Variants in THSD4 observed in about 807,000 individuals in gnomAD.
The protein encoded by THSD4 is thrombospondin type-1 domain-containing protein 4.
THSD4 carries 69 observed loss-of-function variants against 119.0 expected under a neutral mutation model. That is an observed-to-expected ratio of 0.58 (90% CI 0.48 to 0.71). The LOEUF (loss-of-function observed/expected upper bound fraction) is 0.71. Among genes scored for constraint, THSD4 ranks in the 30% least tolerant of loss-of-function variants. THSD4 has a pLI of 0.00. For missense variants in THSD4, 1,393 were observed against 1,391.1 expected, an observed-to-expected ratio of 1.00 and a Z score of -0.02; for synonymous variants, 524 against 540.4, an observed-to-expected ratio of 0.97 and a Z score of 0.42.
At chr15:71,109,289 T>C (rs1206442039) in intron 1 of THSD4, among the ~76,000 whole-genome samples, 2 of 152,222 alleles carry the variant, frequency 1.3e-5, no homozygotes, top group African/African-American at 4.8e-5. Context: ...TAAGCCATGA[T>C]GTGGCACTAG....
intron 4 of THSD4, among the ~76,000 whole-genome samples, chr15:71,216,469 A>ACATCCAGCCTCCC (rs1380033109): frequency 6.6e-6 from 1 of 152,236 alleles, no homozygotes; most frequent in Non-Finnish European, 1.5e-5. Flanking sequence ...GAGATGCGAC[A>ACATCCAGCCTCCC]CATCCAGCCT....
intron 7 of THSD4, among the ~76,000 whole-genome samples, chr15:71,483,101 A>C (rs2140672234): frequency 6.6e-6 from 1 of 152,308 alleles, no homozygotes; most frequent in South Asian, 2.1e-4. Flanking sequence ...CTTTTACAGT[A>C]AGGAATACAA....
intron 3 of THSD4, among the ~76,000 whole-genome samples, chr15:71,173,983 T>A (rs1432148833): frequency 1.3e-5 from 2 of 152,146 alleles, no homozygotes; most frequent in Non-Finnish European, 2.9e-5. Flanking sequence ...TATAAAACTC[T>A]TAGAAGAAAA....
At chr15:71,587,787 TAAAAAAAAAAAAGAA>T (rs201370947) in intron 7 of THSD4, among the ~76,000 whole-genome samples, 1 of 105,554 alleles carries the variant, frequency 9.5e-6, no homozygotes, top group African/African-American at 3.6e-5. Context: ...AAAAAAAAAT[TAAAAAAAAAAAAGAA>T]AAAAAAAAAA....
At position 71,745,087 on chromosome 15, in the gene THSD4, C is replaced by T. The variant is rs756896025; in HGVS notation, c.1907-19C>T. ...CCAGTGTGTGGGACTGTCCTTCAGACATTCTCCTGTTGTTGCAGGATCGCA... is the reference window on the plus strand; with the variant it reads ...CCAGTGTGTGGGACTGTCCTTCAGATATTCTCCTGTTGTTGCAGGATCGCA... On this transcript the variant is annotated intron_variant, in intron 11 of 17. Coordinates refer to ENST00000261862, the MANE Select transcript of THSD4 (RefSeq NM_024817.3). 39 of 1,607,020 alleles carry T rather than the reference C, an allele frequency of 2.4e-5. No homozygotes were observed. The highest frequency in any genetic ancestry group is 3.2e-5 in the Non-Finnish European group (38 of 1,176,446).
intron 4 of THSD4, among the ~76,000 whole-genome samples, chr15:71,229,371 A>G (rs1477805134): frequency 6.6e-6 from 1 of 152,206 alleles, no homozygotes; most frequent in Non-Finnish European, 1.5e-5. Context: ...GGGGATTGAT[A>G]TTGATTCCAG....
chr15:71,367,471 C>T (rs915380813), intron 6 of THSD4, among the ~76,000 whole-genome samples: 1 of 152,166 alleles, frequency 6.6e-6, no homozygotes, highest in African/African-American at 2.4e-5. Context: ...GTGTGATGTT[C>T]CCCTTCCTGT....
Position 71,400,197 on chromosome 15 carries a change from T to G in THSD4, c.1016-11490T>G, listed in dbSNP as rs1021928196. On this transcript the variant is annotated intron_variant, in intron 6 of 17. Transcript: ENST00000261862. ...CAGTATTAACTTCTAAAGTTTAAAT[T>G]CCAAGTGTGGGATGGAAGGTTTGGG... Among the ~76,000 whole-genome samples the G allele has an allele frequency of 1.1e-4, 17 of 152,198 alleles. No individual in the cohort carries two copies. In the East Asian group the frequency reaches 3.1e-3, roughly 28 times the overall value.
intron 15 of THSD4, among the ~76,000 whole-genome samples, chr15:71,762,460 G>A (rs544193712): frequency 3.9e-5 from 6 of 152,314 alleles, no homozygotes; most frequent in African/African-American, 1.4e-4. Flanking sequence ...TCTCTTTTCA[G>A]ATAAGACCAC....
chr15:71,714,832 C>T (rs1425399651), intron 8 of THSD4, among the ~76,000 whole-genome samples: 6 of 152,118 alleles, frequency 3.9e-5, no homozygotes, highest in East Asian at 1.9e-4. Flanking sequence ...CGCTGCAACA[C>T]ACAATTTACC....
At position 71,340,538 on chromosome 15, in the gene THSD4, C is replaced by T. The variant is rs553818799; in HGVS notation, c.1016-71149C>T. ...ACCCTCTGGAGCTTCCTTGCTGTGA[C>T]TGCCTTCCACTTCCTAGGCTGTCTT... On this transcript the variant is annotated intron_variant, in intron 6 of 17. Coordinates refer to ENST00000261862, the MANE Select transcript of THSD4 (RefSeq NM_024817.3). 3.9e-5 allele frequency among the ~76,000 whole-genome samples: 6 copies of T among 151,978 alleles called. No homozygotes were observed. The South Asian group carries it at 1.2e-3, about 32-fold the overall frequency.
chr15:71,319,206 G>A (rs1333137317), intron 6 of THSD4, among the ~76,000 whole-genome samples: 1 of 152,110 alleles, frequency 6.6e-6, no homozygotes, highest in Non-Finnish European at 1.5e-5. Flanking sequence ...TCAGGGAAAT[G>A]GGGAACACCA....
Position 71,757,985 on chromosome 15 carries a change from C to T in THSD4, c.2499C>T (p.Gly833=), listed in dbSNP as rs948851245. The change falls in exon 15 of 18, where the codon GGC becomes GGT. Residue 833 remains glycine, a synonymous_variant. Transcript: ENST00000261862. ...ATGTCAGCAGCCTGCCCCTGGAGGGCTGTGGGAACAACCGGCCGGCAGAGG... is the reference window on the plus strand; with the variant it reads ...ATGTCAGCAGCCTGCCCCTGGAGGGTTGTGGGAACAACCGGCCGGCAGAGG... ...TNHVSSLPLE[G]CGNNRPAEAT... is the part of the protein sequence containing the mutation. 6.2e-7 allele frequency: 1 copy of T among 1,614,130 alleles called. No homozygotes were observed. Among genetic ancestry groups the T allele is most frequent in the Non-Finnish European group, 8.5e-7 (1 of 1,180,028 alleles).
At chr15:71,114,499 A>G (rs1055503798), upstream of THSD4, among the ~76,000 whole-genome samples, 1 of 152,144 alleles carries the variant, frequency 6.6e-6, no homozygotes, top group African/African-American at 2.4e-5. Flanking sequence ...TGCTCTGGGG[A>G]AAGAAGAGAC....
chr15:71,763,788 G>A (rs1354474461), intron 15 of THSD4, among the ~76,000 whole-genome samples: 7 of 152,088 alleles, frequency 4.6e-5, no homozygotes, highest in Non-Finnish European at 8.8e-5. Context: ...GGCAAGGCCT[G>A]GCATGGTGGC....
At chr15:71,326,700 A>AAAAATATATATAT (rs1555464320) in intron 6 of THSD4, among the ~76,000 whole-genome samples, 1 of 6,452 alleles carries the variant, frequency 1.5e-4, no homozygotes, top group Non-Finnish European at 3.6e-4. Context: ...AAAAAAAAAA[A>AAAAATATATATAT]ATATATATAT....
chr15:71,110,861 G>T, upstream of THSD4: 1 of 419,590 alleles, frequency 2.4e-6, no homozygotes, highest in Non-Finnish European at 4.3e-6. Flanking sequence ...AAGGATAGAC[G>T]GGAAAGTGAC....
intron 7 of THSD4, among the ~76,000 whole-genome samples, chr15:71,519,399 T>TC (rs1215626589): frequency 3.3e-5 from 5 of 152,330 alleles, no homozygotes; most frequent in Admixed American, 3.3e-4. Flanking sequence ...TCTCACTCTG[T>TC]CACCCAAGCT....
intron 6 of THSD4, among the ~76,000 whole-genome samples, chr15:71,264,953 T>G (rs1405012492): frequency 6.6e-6 from 1 of 152,112 alleles, no homozygotes; most frequent in Non-Finnish European, 1.5e-5. Flanking sequence ...CCCCAGCGTA[T>G]TTGAAGATGG....
Sources: allele counts gnomAD v4.1 joint callset (sites outside exome capture counted in the v4.1 genomes callset), GRCh38; gene constraint gnomAD v4.1.1; transcripts MANE v1.5; gene names NCBI Gene and HGNC (gene_info 2026-07-23, HGNC 2026-07-21).